The following TIAM1 variants were observed in gnomAD, a reference collection of about 807,000 sequenced individuals.
TIAM1 encodes the protein rho guanine nucleotide exchange factor TIAM1.
A neutral mutation model predicts 163.5 loss-of-function variants in TIAM1; 65 were observed. The ratio of observed to expected loss-of-function variants is 0.40; its 90% CI spans 0.33 to 0.49. TIAM1 has a LOEUF of 0.49. TIAM1 is among the 20% of genes least tolerant of loss of function. The pLI, the probability that TIAM1 is intolerant of heterozygous loss-of-function variation, is 0.77. For synonymous variants in TIAM1, 833 were observed against 810.1 expected (o/e 1.03, Z -0.48); for missense variants, 1,789 against 2,044.7 (o/e 0.87, Z 2.41).
intron 3 of TIAM1, among the ~76,000 whole-genome samples, chr21:31,274,120 CAGGAGA>C (rs955742223): frequency 1.5e-4 from 23 of 152,118 alleles, no homozygotes; most frequent in African/African-American, 5.3e-4. Flanking sequence ...GAGGCTGGGG[CAGGAGA>C]ATCACTTGAA....
chr21:31,199,766 G>T (rs1256195437), intron 12 of TIAM1, among the ~76,000 whole-genome samples: 3 of 151,688 alleles, frequency 2.0e-5, no homozygotes, highest in Admixed American at 6.6e-5. Flanking sequence ...CCTGACCTCA[G>T]GGGATCCACC....
chr21:31,381,390 G>A (rs913407073), intron 2 of TIAM1, among the ~76,000 whole-genome samples: 2 of 152,034 alleles, frequency 1.3e-5, no homozygotes, highest in South Asian at 2.1e-4. Flanking sequence ...CCAGGCAGCC[G>A]GGCACAGTGG....
intron 2 of TIAM1, among the ~76,000 whole-genome samples, chr21:31,288,178 C>T (rs531941764): frequency 2.3e-4 from 35 of 152,066 alleles, no homozygotes; most frequent in Non-Finnish European, 4.4e-4. Context: ...AATTTGGTGT[C>T]CATTCCACAA....
rs1569033505 is a variant in TIAM1, at chr21:31,210,701, GAAAGA to G, written c.2218-491_2218-487del. 1.6e-4 allele frequency among the ~76,000 whole-genome samples: 16 copies of G among 101,272 alleles called. 1 individual carries two copies. Among genetic ancestry groups the G allele is most frequent in the African/African-American group, 7.9e-4 (15 of 19,052 alleles). The allele number at this position is 101,272 out of a possible 152,430, so 66.4% of individuals were successfully genotyped here. A position where few individuals can be genotyped will look rare whatever the true frequency, so the allele number is the denominator to read the frequency against. The stretch of plus-strand genomic sequence containing the variant: ...AAAGAAAGAAAAAGAAAGAAAGAAA[GAAAGA>G]GAAAGAAAGAGAAAGAAAGAAAGAG... On this transcript the variant is annotated intron_variant, in intron 10 of 27. Transcript: ENST00000541036.
chr21:31,243,209 A>AAAAAAT (rs59419171), intron 6 of TIAM1, among the ~76,000 whole-genome samples: 4 of 117,282 alleles, frequency 3.4e-5, no homozygotes, highest in African/African-American at 1.1e-4. Flanking sequence ...AAAAAAAAAA[A>AAAAAAT]ATATATATAT....
intron 1 of TIAM1, among the ~76,000 whole-genome samples, chr21:31,516,671 T>TAA (rs375716984): frequency 0.087 from 10,639 of 122,188 alleles, 612 homozygotes; most frequent in Middle Eastern, 0.15. Context: ...GGACTTACCC[T>TAA]AAAAAAAAAA....
In TIAM1 at chr21:31,543,794, T is replaced by C. The variant is rs185742593; in HGVS notation, c.-422+15133A>G. On this transcript the variant is annotated intron_variant, in intron 1 of 28. Transcript: ENST00000286827. ...GATTGAAAAACAAGGTCTGGACCAG[T>C]AGGGCTAGCCATAGCCACCGAAAGT... Among the ~76,000 whole-genome samples the C allele has an allele frequency of 1.7e-3, 265 of 152,322 alleles. 3 individuals carry two copies. The highest frequency in any genetic ancestry group is 0.014 in the Middle Eastern group (4 of 294).
At chr21:31,485,113 T>C (rs2147403790) in intron 1 of TIAM1, among the ~76,000 whole-genome samples, 1 of 149,460 alleles carries the variant, frequency 6.7e-6, no homozygotes, top group Admixed American at 6.7e-5. Flanking sequence ...AATAATTTCA[T>C]TCTTTCAGAG....
Position 31,118,438 on chromosome 21 carries a change from GT to G in TIAM1, c.*1929del, listed in dbSNP as rs1225383530. 5.8e-5 allele frequency: 21 copies of G among 361,240 alleles called. No individual in the cohort carries two copies. The East Asian group carries it at 1.4e-3, about 24-fold the overall frequency. The allele number at this position is 361,240 out of a possible 1,614,324, so 22.4% of individuals were successfully genotyped here. ...CCAGACACTTTTCGTTATTTTTATTGTTTGACAAGCATTTACAACGTTCCAT... is the reference window on the plus strand; with the variant it reads ...CCAGACACTTTTCGTTATTTTTATTGTTGACAAGCATTTACAACGTTCCAT... On this transcript the variant is annotated 3_prime_UTR_variant, in exon 28 of 28. Transcript: ENST00000541036.
chr21:31,479,777 G>T (rs889753730), intron 1 of TIAM1, among the ~76,000 whole-genome samples: 1 of 152,104 alleles, frequency 6.6e-6, no homozygotes, highest in Non-Finnish European at 1.5e-5. Flanking sequence ...CAAGTGGGCT[G>T]TTCCCCCATA....
chr21:31,452,289 G>A (rs2044892279), intron 2 of TIAM1, among the ~76,000 whole-genome samples: 2 of 152,094 alleles, frequency 1.3e-5, no homozygotes, highest in African/African-American at 2.4e-5. Context: ...AATACAAAAT[G>A]TTGGCCAGGC....
chr21:31,154,227 G>A lies in TIAM1; in HGVS notation c.3171+20C>T, dbSNP rs201794403. On this transcript the variant is annotated intron_variant, in intron 17 of 27. Coordinates refer to ENST00000541036, the MANE Select transcript of TIAM1 (RefSeq NM_001353694.2). ...CTTTACGAGGCAGAGGGAGGGCAGG[G>A]GGAGAAAAAAGAAACATACCTTCAC... is the stretch of plus-strand genomic sequence containing the variant. 8 of 1,610,434 alleles carry A rather than the reference G, an allele frequency of 5.0e-6. No individual in the cohort carries two copies. In the East Asian group the frequency reaches 8.9e-5, roughly 18 times the overall value.
At chr21:31,322,005 A>G (rs2147032300) in intron 2 of TIAM1, among the ~76,000 whole-genome samples, 1 of 152,300 alleles carries the variant, frequency 6.6e-6, no homozygotes, top group South Asian at 2.1e-4. Context: ...GTGAGCCAAG[A>G]TCGTGCCACC....
At chr21:31,237,781 A>G (rs1160338203) in intron 6 of TIAM1, among the ~76,000 whole-genome samples, 2 of 152,224 alleles carry the variant, frequency 1.3e-5, no homozygotes, top group African/African-American at 4.8e-5. Flanking sequence ...GGCATTTAAC[A>G]GACAAATTAA....
chr21:31,498,102 A>G (rs191346675), intron 1 of TIAM1, among the ~76,000 whole-genome samples: 1 of 152,340 alleles, frequency 6.6e-6, no homozygotes, highest in Admixed American at 6.5e-5. Context: ...ACAAACCCGA[A>G]TGTAAACAGC....
At chr21:31,475,148 G>A (rs1270900687) in intron 1 of TIAM1, among the ~76,000 whole-genome samples, 1 of 151,556 alleles carries the variant, frequency 6.6e-6, no homozygotes, top group Non-Finnish European at 1.5e-5. Flanking sequence ...ACCTCCCCAG[G>A]TTCAGGTGAT....
intron 2 of TIAM1, among the ~76,000 whole-genome samples, chr21:31,293,090 T>G (rs1380223464): frequency 1.3e-5 from 2 of 151,884 alleles, no homozygotes; most frequent in African/African-American, 4.8e-5. Flanking sequence ...TCCCAAAGTG[T>G]TGGGACTACA....
Position 31,245,636 on chromosome 21 carries a change from C to A in TIAM1, c.1436G>T (p.Ser479Ile). Residue 479 changes from serine (S) to isoleucine (I), a missense_variant, in exon 6 of 28, where the codon AGC (serine) becomes ATC (isoleucine). This residue lies in a region of TIAM1 where 456 missense variants were observed against 586.6 expected (regional missense o/e 0.78). Transcript: ENST00000541036. ...GTGGTCTATCCCAGACCTGCCGTCG[C>A]TCTCGTAGAAAAATAGCGTGCATCC... is the stretch of plus-strand genomic sequence containing the variant. Reference protein sequence around the residue: ...LKGCTLFFYESDGRSGIDHNS... With the variant: ...LKGCTLFFYEIDGRSGIDHNS... 1 of 1,583,396 alleles carries A rather than the reference C, an allele frequency of 6.3e-7. No individual in the cohort carries two copies.
intron 3 of TIAM1, among the ~76,000 whole-genome samples, chr21:31,267,410 G>C (rs1026238692): frequency 6.6e-6 from 1 of 152,056 alleles, no homozygotes; most frequent in African/African-American, 2.4e-5. Context: ...GTTCACCAAG[G>C]GAGTAATTTC....
Sources: allele counts gnomAD v4.1 joint callset (sites outside exome capture counted in the v4.1 genomes callset), GRCh38; gene constraint gnomAD v4.1.1; regional missense constraint gnomAD v4.1.1; transcripts MANE v1.5; gene names NCBI Gene and HGNC (gene_info 2026-07-23, HGNC 2026-07-21).